SGSM1: variants seen among roughly 807,000 people sequenced by gnomAD.
SGSM1 encodes small G protein signaling modulator 1, also known as RUN and TBC1 domain containing 2.
Under a neutral mutation model 133.8 loss-of-function variants are expected in SGSM1, and 73 were observed. The observed-to-expected ratio is 0.55, with a 90% CI of 0.45 to 0.66. The LOEUF is 0.66. Among genes scored for constraint, SGSM1 ranks in the 30% least tolerant of loss-of-function variants. SGSM1 has a pLI of 0.00. For synonymous variants in SGSM1, 563 were observed against 573.0 expected, an observed-to-expected ratio of 0.98 and a Z score of 0.25; for missense variants, 1,213 against 1,448.1, an observed-to-expected ratio of 0.84 and a Z score of 2.64.
At chr22:24,833,680 A>G (rs547760728) in intron 2 of SGSM1, among the ~76,000 whole-genome samples, 7 of 152,032 alleles carry the variant, frequency 4.6e-5, no homozygotes, top group Admixed American at 2.0e-4. Flanking sequence ...AGATTTCCAC[A>G]TATGAAATGG....
chr22:24,893,442 G>A lies in SGSM1; in HGVS notation c.1782G>A (p.Gln594=), dbSNP rs1283177675. ...ATCTGCCCTGGCAGGTGGACGAGCA[G>A]ATTCATGCCTGCTATGCACAGACCA... ...TETERKEVDE[Q]IHACYAQTMA... is the part of the protein sequence containing the mutation. Residue 594 remains glutamine (Q), a synonymous_variant, in exon 17 of 25, where the codon CAG becomes CAA. Transcript: ENST00000400358. 3 of 1,613,764 alleles carry A rather than the reference G, an allele frequency of 1.9e-6. No individual in the cohort carries two copies. The Admixed American group carries it at 5.0e-5, about 27-fold the overall frequency.
chr22:24,926,973 C>A lies in SGSM1; in HGVS notation c.*2699C>A, dbSNP rs979031702. On this transcript the variant is annotated 3_prime_UTR_variant, in exon 25 of 25. Coordinates refer to ENST00000400358, the MANE Select transcript of SGSM1 (RefSeq NM_001098497.3). ...CAGATTTTTGTAATAGCTGCCTGGC[C>A]TTTTCCCAGAAAAGGTGAATCACTT... is the stretch of plus-strand genomic sequence containing the variant. 1 of 152,024 alleles carries A rather than the reference C, an allele frequency of 6.6e-6. No individual in the cohort carries two copies. Among genetic ancestry groups the A allele is most frequent in the African/African-American group, 2.4e-5 (1 of 41,388 alleles). 9.4% of individuals were successfully genotyped at this position (152,024 alleles called of 1,614,324 possible). A position where few individuals can be genotyped will look rare whatever the true frequency, so the allele number is the denominator to read the frequency against.
intron 2 of SGSM1, among the ~76,000 whole-genome samples, chr22:24,833,037 C>G (rs187611261): frequency 6.6e-6 from 1 of 150,498 alleles, no homozygotes; most frequent in East Asian, 2.0e-4. Context: ...TGGGTTCAAG[C>G]GATTCTCCTG....
chr22:24,876,544 T>A (rs1360951201), intron 12 of SGSM1, 33 bp from the exon 13 acceptor site: 1 of 1,612,960 alleles, frequency 6.2e-7, no homozygotes. Flanking sequence ...TTAACCAGGG[T>A]GATTCTTCTG....
intron 5 of SGSM1, among the ~76,000 whole-genome samples, chr22:24,850,812 G>A (rs965089531): frequency 6.6e-6 from 1 of 152,204 alleles, no homozygotes; most frequent in Non-Finnish European, 1.5e-5. Flanking sequence ...CAAATGCATG[G>A]TGAGGCTGGG....
intron 13 of SGSM1, among the ~76,000 whole-genome samples, chr22:24,877,498 CT>C (rs1468260063): frequency 2.0e-5 from 3 of 152,140 alleles, no homozygotes; most frequent in African/African-American, 7.2e-5. Flanking sequence ...TTGTTTTCCC[CT>C]GGTCCAACCT....
In SGSM1 at chr22:24,890,701, C is replaced by T. The variant is rs5760709; in HGVS notation, c.1771-2730C>T. 3.9e-3 allele frequency among the ~76,000 whole-genome samples: 587 copies of T among 152,146 alleles called. 25 individuals are homozygous for T. In the East Asian group the frequency reaches 0.1, roughly 26 times the overall value. ...GACTACAGGCACCTGCCACCACGTC[C>T]GGCTAATGTTTTTTGTATTTTTAGT... On this transcript the variant is annotated intron_variant, in intron 16 of 24. Transcript: ENST00000400358.
chr22:24,813,549 G>T (rs1477821177), intron 2 of SGSM1: 1 of 152,204 alleles, frequency 6.6e-6, no homozygotes, highest in Non-Finnish European at 1.5e-5. Context: ...CTATTTTGGG[G>T]CTCTCCGATG....
At chr22:24,905,061 G>A in intron 20 of SGSM1, 44 bp from the exon 21 acceptor site, 2 of 1,566,480 alleles carry the variant, frequency 1.3e-6, no homozygotes, top group Non-Finnish European at 1.8e-6. Flanking sequence ...GGGTTGGAGA[G>A]GCAGGCCACG....
intron 2 of SGSM1, among the ~76,000 whole-genome samples, chr22:24,828,886 A>G (rs1321995302): frequency 6.6e-6 from 1 of 152,176 alleles, no homozygotes; most frequent in African/African-American, 2.4e-5. Context: ...ATAGAATATT[A>G]TGCAGCCACA....
intron 2 of SGSM1, among the ~76,000 whole-genome samples, chr22:24,820,968 C>T (rs1158844001): frequency 1.3e-5 from 2 of 152,174 alleles, no homozygotes; most frequent in African/African-American, 2.4e-5. Context: ...CTTACCTGGG[C>T]AGTCATGGCA....
chr22:24,849,247 TA>T (rs377102485), intron 4 of SGSM1, among the ~76,000 whole-genome samples: 7,691 of 142,300 alleles, frequency 0.054, 264 homozygotes, highest in African/African-American at 0.1. Flanking sequence ...AGTATTTTAT[TA>T]AAAAAAAAAA....
At chr22:24,917,986 GGTTAA>G (rs1310536243) in intron 23 of SGSM1, among the ~76,000 whole-genome samples, 4 of 152,140 alleles carry the variant, frequency 2.6e-5, no homozygotes, top group African/African-American at 7.2e-5. Context: ...GGCTGAGAAG[GGTTAA>G]GTTCAGAGCT....
At chr22:24,896,365 GA>G (rs1338325472) in intron 18 of SGSM1, among the ~76,000 whole-genome samples, 1 of 151,972 alleles carries the variant, frequency 6.6e-6, no homozygotes, top group Non-Finnish European at 1.5e-5. Flanking sequence ...TGAAAACACA[GA>G]AACACATGAA....
At chr22:24,886,861 G>A (rs1932637287) in intron 16 of SGSM1, 133 bp downstream of exon 16, 12 of 1,205,608 alleles carry the variant, frequency 1.0e-5, no homozygotes, top group South Asian at 9.2e-5. Flanking sequence ...ACCTGAAGGC[G>A]GCGCTGTCCA....
At position 24,819,143 on chromosome 22, in the gene SGSM1, C is replaced by CAAA. The variant is rs56384293; in HGVS notation, c.63+12672_63+12674dup. 2.8e-3 allele frequency among the ~76,000 whole-genome samples: 294 copies of CAAA among 106,564 alleles called. 4 individuals are homozygous for CAAA. The East Asian group carries it at 0.038, about 14-fold the overall frequency. 69.9% of individuals were successfully genotyped at this position (106,564 alleles called of 152,430 possible). On this transcript the variant is annotated intron_variant, in intron 2 of 24. Transcript: ENST00000400358. The stretch of plus-strand genomic sequence containing the variant: ...CCTGGGCGACAGAGCAAGACTCTGT[C>CAAA]AAAAAAAAAAAAAAACAATAATCAC...
chr22:24,873,009 A>G lies in SGSM1; in HGVS notation c.1292-3568A>G, dbSNP rs142450261. 8.6e-3 allele frequency among the ~76,000 whole-genome samples: 1,299 copies of G among 150,900 alleles called. 13 individuals carry two copies. Among genetic ancestry groups the G allele is most frequent in the Middle Eastern group, 0.024 (7 of 292 alleles). ...GGTCTCGCTCTGTTGCCCAGGCTGG[A>G]GTGCAGTGGTGCGATCATGGCTCAC... On this transcript the variant is annotated intron_variant, in intron 12 of 24. Transcript: ENST00000400358.
At chr22:24,916,349 A>G (rs1933822012) in intron 22 of SGSM1, among the ~76,000 whole-genome samples, 1 of 152,100 alleles carries the variant, frequency 6.6e-6, no homozygotes, top group Admixed American at 6.6e-5. Context: ...ACCTAGTATA[A>G]TGATGTCAAG....
intron 22 of SGSM1, among the ~76,000 whole-genome samples, chr22:24,916,984 TC>T (rs1933840222): frequency 6.6e-6 from 1 of 151,898 alleles, no homozygotes; most frequent in African/African-American, 2.4e-5. Flanking sequence ...GCTCAAGTGA[TC>T]CTCCCACTTT....
Sources: gnomAD v4.1 joint callset for allele counts (sites outside exome capture counted in the v4.1 genomes callset) on GRCh38, gnomAD v4.1.1 for gene constraint, MANE v1.5 for transcripts, NCBI Gene and HGNC (gene_info 2026-07-23, HGNC 2026-07-21) for gene names.